KPNA4: variants seen among roughly 807,000 people sequenced by gnomAD.
KPNA4 encodes importin subunit alpha-3.
In KPNA4, 13 loss-of-function variants were observed where a neutral mutation model predicts 71.3. That is an observed-to-expected ratio of 0.18 (90% CI 0.12 to 0.29). KPNA4 has a LOEUF of 0.29. Ranked by LOEUF, KPNA4 falls within the 10% of genes least tolerant of loss-of-function variation. The pLI is 1.00. For synonymous variants in KPNA4, 189 were observed against 195.2 expected, an observed-to-expected ratio of 0.97 and a Z score of 0.26; for missense variants, 334 against 603.2, an observed-to-expected ratio of 0.55 and a Z score of 4.67.
intron 11 of KPNA4, among the ~76,000 whole-genome samples, chr3:160,517,226 C>T (rs1721248058): frequency 6.6e-6 from 1 of 151,966 alleles, no homozygotes; most frequent in Non-Finnish European, 1.5e-5. Flanking sequence ...TGTATTTGGC[C>T]TTTTTTGTCT....
At chr3:160,526,967 T>TA (rs1268726173) in intron 8 of KPNA4, among the ~76,000 whole-genome samples, 34 of 152,208 alleles carry the variant, frequency 2.2e-4, no homozygotes, top group African/African-American at 8.0e-4. Flanking sequence ...CCTAATAGTA[T>TA]AAACCCAATG....
intron 1 of KPNA4, among the ~76,000 whole-genome samples, chr3:160,555,033 T>C (rs1722109656): frequency 6.6e-6 from 1 of 152,172 alleles, no homozygotes; most frequent in Admixed American, 6.5e-5. Context: ...TGATTCCATC[T>C]GAAGTGGGGG....
chr3:160,532,270 A>C (rs1333548159), intron 5 of KPNA4, among the ~76,000 whole-genome samples: 1 of 152,248 alleles, frequency 6.6e-6, no homozygotes, highest in Non-Finnish European at 1.5e-5. Context: ...GAAAGGAATT[A>C]AGAGGTCACC....
intron 5 of KPNA4, among the ~76,000 whole-genome samples, chr3:160,532,121 T>C (rs1183517179): frequency 6.6e-6 from 1 of 152,246 alleles, no homozygotes; most frequent in African/African-American, 2.4e-5. Context: ...TACAACATTA[T>C]TATTCCCTCA....
chr3:160,521,966 T>A, intron 10 of KPNA4, 56 bp from the exon 11 acceptor site: 6 of 1,474,472 alleles, frequency 4.1e-6, no homozygotes, highest in Non-Finnish European at 4.6e-6. Context: ...ATTTTAGTAA[T>A]TCTTGACCAA....
At chr3:160,503,186 A>T (rs562741883) in intron 16 of KPNA4, among the ~76,000 whole-genome samples, 1 of 152,110 alleles carries the variant, frequency 6.6e-6, no homozygotes, top group East Asian at 1.9e-4. Context: ...AATCACATTA[A>T]AAAAAAATCT....
intron 11 of KPNA4, among the ~76,000 whole-genome samples, chr3:160,517,838 T>C (rs532195412): frequency 4.6e-5 from 7 of 151,022 alleles, no homozygotes; most frequent in Middle Eastern, 3.4e-3. Context: ...CAGTTCTTTA[T>C]ACATTAAATA....
Position 160,515,486 on chromosome 3 carries a change from G to A in KPNA4, c.998C>T (p.Ala333Val). 3 of 1,613,844 alleles carry A rather than the reference G, an allele frequency of 1.9e-6. No individual in the cohort carries two copies. Among genetic ancestry groups the A allele is most frequent in the Non-Finnish European group, 2.5e-6 (3 of 1,179,782 alleles). Residue 333 changes from alanine (A) to valine (V), a missense_variant, in exon 12 of 17, where the codon GCA (alanine) becomes GTA (valine). Coordinates refer to ENST00000334256, the MANE Select transcript of KPNA4 (RefSeq NM_002268.5). ...LNCDALSHFP[A>V]LLTHPKEKIN... ...TTTCTCTTTGGGATGTGTCAGGAGT[G>A]CTGGGAAGTGTGAAAGAGCATCACA...
Position 160,501,513 on chromosome 3 carries a change from C to T in KPNA4, c.*591G>A, listed in dbSNP as rs1400520389. Reference sequence around the variant, plus strand: ...AGCTTGCATGCGTTCACATACAGCACCACAACCACGCTCTCGTACACAGTC... The same window carrying T: ...AGCTTGCATGCGTTCACATACAGCATCACAACCACGCTCTCGTACACAGTC... On this transcript the variant is annotated 3_prime_UTR_variant, in exon 17 of 17. Coordinates refer to ENST00000334256, the MANE Select transcript of KPNA4 (RefSeq NM_002268.5). 1 of 152,696 alleles carries T rather than the reference C, an allele frequency of 6.5e-6. No individual in the cohort carries two copies. The highest frequency in any genetic ancestry group is 1.9e-4 in the East Asian group (1 of 5,178). The allele number at this position is 152,696 out of a possible 1,614,324, so 9.5% of individuals were successfully genotyped here.
intron 11 of KPNA4, among the ~76,000 whole-genome samples, chr3:160,520,916 G>A (rs1721335593): frequency 6.6e-6 from 1 of 152,108 alleles, no homozygotes; most frequent in Non-Finnish European, 1.5e-5. Flanking sequence ...CATTACAACT[G>A]TAGCTTAACA....
chr3:160,534,547 G>T (rs1297706152), intron 5 of KPNA4, among the ~76,000 whole-genome samples: 1 of 151,306 alleles, frequency 6.6e-6, no homozygotes, highest in Non-Finnish European at 1.5e-5. Flanking sequence ...GTGAAACCCT[G>T]TCTCTACTAA....
rs1720749371 is a variant in KPNA4, at chr3:160,495,875, A to G, written c.*6229T>C. ...TACCAAAGTGACTAAGGTTGTCTTG[A>G]TTCCCCGCCCCCACCACAATTATGA... On this transcript the variant is annotated 3_prime_UTR_variant, in exon 17 of 17. Coordinates refer to ENST00000334256, the MANE Select transcript of KPNA4 (RefSeq NM_002268.5). The G allele has an allele frequency of 1.3e-5, 2 of 151,268 alleles. No individual in the cohort carries two copies. The highest frequency in any genetic ancestry group is 4.2e-4 in the South Asian group (2 of 4,784). The allele number at this position is 151,268 out of a possible 1,614,324, so 9.4% of individuals were successfully genotyped here.
chr3:160,502,437 C>G (rs1392269885), intron 16 of KPNA4, among the ~76,000 whole-genome samples: 1 of 151,794 alleles, frequency 6.6e-6, no homozygotes, highest in Non-Finnish European at 1.5e-5. Flanking sequence ...GTAGCACAAA[C>G]ATAGCTCATT....
intron 1 of KPNA4, among the ~76,000 whole-genome samples, chr3:160,562,511 T>G (rs1466081690): frequency 1.3e-5 from 2 of 152,180 alleles, no homozygotes; most frequent in Non-Finnish European, 2.9e-5. Flanking sequence ...AGCATATATG[T>G]AAGTAGGCTG....
At chr3:160,520,845 T>C (rs972422952) in intron 11 of KPNA4, among the ~76,000 whole-genome samples, 32 of 152,138 alleles carry the variant, frequency 2.1e-4, no homozygotes, top group East Asian at 1.9e-4. Flanking sequence ...TTCTAAGCCA[T>C]TAGCAGATTA....
chr3:160,508,029 G>A, intron 15 of KPNA4, 78 bp downstream of exon 15: 1 of 1,056,348 alleles, frequency 9.5e-7, no homozygotes, highest in South Asian at 1.7e-5. Context: ...AAATATAGAT[G>A]TGCTATATTA....
chr3:160,512,159 T>G (rs1721108793), intron 13 of KPNA4, among the ~76,000 whole-genome samples: 1 of 152,098 alleles, frequency 6.6e-6, no homozygotes, highest in Non-Finnish European at 1.5e-5. Context: ...TTAAACACCA[T>G]TCTCTACAAA....
intron 5 of KPNA4, among the ~76,000 whole-genome samples, chr3:160,532,099 T>A (rs1266028526): frequency 6.6e-6 from 1 of 152,260 alleles, no homozygotes; most frequent in Non-Finnish European, 1.5e-5. Context: ...GCCACTTTAC[T>A]ACTTTTAATG....
Position 160,501,422 on chromosome 3 carries a change from GTA to G in KPNA4, c.*680_*681del, listed in dbSNP as rs1720878606. 1 of 152,498 alleles carries G rather than the reference GTA, an allele frequency of 6.6e-6. No homozygotes were observed. The allele number at this position is 152,498 out of a possible 1,614,324, so 9.4% of individuals were successfully genotyped here. ...ACCAGTCTTTGTTTTCATGTCCAGTGTACATTAACACTTATGATCTCATTTTG... is the reference window on the plus strand; with the variant it reads ...ACCAGTCTTTGTTTTCATGTCCAGTGCATTAACACTTATGATCTCATTTTG... On this transcript the variant is annotated 3_prime_UTR_variant, in exon 17 of 17. Transcript: ENST00000334256.
Sources: allele counts gnomAD v4.1 joint callset (sites outside exome capture counted in the v4.1 genomes callset), GRCh38; gene constraint gnomAD v4.1.1; transcripts MANE v1.5; gene names NCBI Gene and HGNC (gene_info 2026-07-23, HGNC 2026-07-21).